The following PARD3B variants were observed in gnomAD, a reference collection of about 807,000 sequenced individuals.
The protein encoded by PARD3B is partitioning defective 3 homolog B.
PARD3B carries 103 observed loss-of-function variants against 130.2 expected under a neutral mutation model. The ratio of observed to expected loss-of-function variants is 0.79; its 90% CI spans 0.67 to 0.93. PARD3B has a LOEUF of 0.93. PARD3B is among the 40% of genes least tolerant of loss of function. The pLI, the probability that PARD3B is intolerant of heterozygous loss-of-function variation, is 0.00. For synonymous variants in PARD3B, 583 were observed against 553.2 expected, an observed-to-expected ratio of 1.05 and a Z score of -0.76; for missense variants, 1,609 against 1,499.2, an observed-to-expected ratio of 1.07 and a Z score of -1.21.
intron 14 of PARD3B, among the ~76,000 whole-genome samples, chr2:205,189,014 A>T (rs1393351382): frequency 1.3e-5 from 2 of 152,232 alleles, no homozygotes; most frequent in East Asian, 3.9e-4. Context: ...AGTAATAAAT[A>T]AATATAAAGG....
At chr2:205,186,700 G>T (rs754185262) in intron 14 of PARD3B, among the ~76,000 whole-genome samples, 8 of 152,078 alleles carry the variant, frequency 5.3e-5, no homozygotes, top group Non-Finnish European at 8.8e-5. Context: ...CCTATATTTA[G>T]CTATCTCTGA....
At position 204,953,420 on chromosome 2, in the gene PARD3B, C is replaced by CAGAGAG. The variant is rs138644226; in HGVS notation, c.223-11690_223-11685dup. ...ATATATATGTTAACATACACACACA[C>CAGAGAG]AGAGAGAGAGAGAGAGAGAGAGAGA... On this transcript the variant is annotated intron_variant, in intron 2 of 22. Transcript: ENST00000406610. Among the ~76,000 whole-genome samples the CAGAGAG allele has an allele frequency of 7.6e-3, 931 of 123,236 alleles. 9 individuals carry two copies. The highest frequency in any genetic ancestry group is 0.011 in the Non-Finnish European group (674 of 59,256). The allele number at this position is 123,236 out of a possible 152,430, so 80.8% of individuals were successfully genotyped here.
At chr2:204,560,776 C>CT (rs2031257134) in intron 1 of PARD3B, among the ~76,000 whole-genome samples, 1 of 151,940 alleles carries the variant, frequency 6.6e-6, no homozygotes, top group Non-Finnish European at 1.5e-5. Flanking sequence ...TTGGACCTAC[C>CT]TTTTTTATTG....
At chr2:205,279,123 A>G (rs2041090512) in intron 16 of PARD3B, among the ~76,000 whole-genome samples, 2 of 147,436 alleles carry the variant, frequency 1.4e-5, no homozygotes, top group South Asian at 2.2e-4. Flanking sequence ...AATCTCTTTA[A>G]TTATTATACT....
intron 18 of PARD3B, among the ~76,000 whole-genome samples, chr2:205,369,949 A>C (rs2044747747): frequency 6.6e-6 from 1 of 152,236 alleles, no homozygotes. Context: ...AAGTCAGACC[A>C]TGGACCTAAC....
intron 10 of PARD3B, among the ~76,000 whole-genome samples, chr2:205,150,059 C>A (rs1387888950): frequency 2.0e-5 from 3 of 152,188 alleles, no homozygotes; most frequent in African/African-American, 7.2e-5. Context: ...ATTAGGCCTA[C>A]ACCTATGCAG....
At chr2:205,362,633 C>A (rs1198976029) in intron 18 of PARD3B, among the ~76,000 whole-genome samples, 1 of 152,188 alleles carries the variant, frequency 6.6e-6, no homozygotes, top group Non-Finnish European at 1.5e-5. Flanking sequence ...CACATCAGTA[C>A]CTTCCACTTA....
intron 2 of PARD3B, among the ~76,000 whole-genome samples, chr2:204,961,148 A>C (rs1445741549): frequency 6.6e-6 from 1 of 152,156 alleles, no homozygotes; most frequent in Non-Finnish European, 1.5e-5. Flanking sequence ...TCTTCAAGTG[A>C]GGTGGGAAAG....
intron 21 of PARD3B, 88 bp downstream of exon 21, chr2:205,500,119 T>C (rs1016481613): frequency 1.4e-6 from 2 of 1,409,956 alleles, no homozygotes; most frequent in African/African-American, 1.4e-5. Context: ...GTTCTGTACA[T>C]ACCAGATTCT....
chr2:205,190,025 A>G (rs1185790864), intron 14 of PARD3B, among the ~76,000 whole-genome samples: 1 of 152,228 alleles, frequency 6.6e-6, no homozygotes, highest in Non-Finnish European at 1.5e-5. Context: ...CATTTGTTAC[A>G]TTCATATGTA....
chr2:204,991,539 G>A (rs1371620674), intron 3 of PARD3B, among the ~76,000 whole-genome samples: 5 of 142,792 alleles, frequency 3.5e-5, no homozygotes, highest in East Asian at 4.1e-4. Flanking sequence ...ATAAACATAC[G>A]TGTGCATGTG....
In PARD3B at chr2:205,584,454, G is replaced by T. The variant is rs191434672; in HGVS notation, c.3261-31002G>T. ...GCACTTTAGGAGGCCGAGGCAGGCC[G>T]ATCACCTGACGTCAGGAGTTCGAGA... On this transcript the variant is annotated intron_variant, in intron 22 of 22. Coordinates refer to ENST00000406610, the MANE Select transcript of PARD3B (RefSeq NM_001302769.2). The surrounding 1 kb of genome is among the most constrained non-coding windows in gnomAD (Gnocchi z 5.5). Among the ~76,000 whole-genome samples, 2 of 152,102 alleles carry T rather than the reference G, an allele frequency of 1.3e-5. No individual in the cohort carries two copies. The highest frequency in any genetic ancestry group is 2.9e-5 in the Non-Finnish European group (2 of 68,018).
intron 2 of PARD3B, among the ~76,000 whole-genome samples, chr2:204,730,826 C>A (rs1193459742): frequency 6.6e-6 from 1 of 152,118 alleles, no homozygotes; most frequent in African/African-American, 2.4e-5. Flanking sequence ...TGTACAACAT[C>A]CCTTTATCTG....
intron 2 of PARD3B, among the ~76,000 whole-genome samples, chr2:204,846,709 C>G (rs1407501298): frequency 6.6e-6 from 1 of 150,492 alleles, no homozygotes; most frequent in African/African-American, 2.5e-5. Flanking sequence ...CTTCCTATAC[C>G]TGAAAGTATT....
At chr2:205,133,212 G>C (rs897066171) in intron 10 of PARD3B, among the ~76,000 whole-genome samples, 1 of 152,082 alleles carries the variant, frequency 6.6e-6, no homozygotes, top group Admixed American at 6.6e-5. Context: ...CAATCTAGTT[G>C]TACAGTTTAC....
Position 205,499,893 on chromosome 2 carries a change from T to C in PARD3B, c.3045-3T>C. 1.2e-6 allele frequency: 2 copies of C among 1,613,318 alleles called. No homozygotes were observed. Among genetic ancestry groups the C allele is most frequent in the Non-Finnish European group, 1.7e-6 (2 of 1,179,374 alleles). On this transcript the variant is annotated splice_region_variant and splice_polypyrimidine_tract_variant and intron_variant, in intron 20 of 22. Transcript: ENST00000406610. ...AATCTGATTATTTGTCTATATCCTGTAGTGGCCGTCCTACGGGTGGAAGCA... is the reference window on the plus strand; with the variant it reads ...AATCTGATTATTTGTCTATATCCTGCAGTGGCCGTCCTACGGGTGGAAGCA...
At chr2:204,950,224 T>A (rs1445818196) in intron 2 of PARD3B, among the ~76,000 whole-genome samples, 1 of 152,198 alleles carries the variant, frequency 6.6e-6, no homozygotes, top group Non-Finnish European at 1.5e-5. Context: ...AATATATTGA[T>A]AGGAACTTCC....
Position 205,300,168 on chromosome 2 carries a change from A to G in PARD3B, c.2186-362A>G, listed in dbSNP as rs1266721712. Among the ~76,000 whole-genome samples the G allele has an allele frequency of 1.3e-5, 2 of 152,194 alleles. No individual in the cohort carries two copies. Among genetic ancestry groups the G allele is most frequent in the African/African-American group, 2.4e-5 (1 of 41,436 alleles). ...TGCATGTGTGTATGTGGGTATTCTC[A>G]CATATGTGAAATCACTCTCATTCAC... On this transcript the variant is annotated intron_variant, in intron 16 of 22. Coordinates refer to ENST00000406610, the MANE Select transcript of PARD3B (RefSeq NM_001302769.2). This position sits in a 1 kb window ranked among gnomAD's most constrained non-coding sequence, Gnocchi z 4.1.
At chr2:205,067,700 T>C (rs1575691242) in intron 4 of PARD3B, among the ~76,000 whole-genome samples, 1 of 152,308 alleles carries the variant, frequency 6.6e-6, no homozygotes, top group Non-Finnish European at 1.5e-5. Context: ...GAGAAATCAG[T>C]TATTTCAGTG....
Sources: gnomAD v4.1 joint callset for allele counts (sites outside exome capture counted in the v4.1 genomes callset) on GRCh38, gnomAD v4.1.1 for gene constraint, Gnocchi (gnomAD v3.1) non-coding constraint, MANE v1.5 for transcripts, NCBI Gene and HGNC (gene_info 2026-07-23, HGNC 2026-07-21) for gene names.